The following USP33 variants were observed in gnomAD, a reference collection of about 807,000 sequenced individuals.
USP33 encodes ubiquitin carboxyl-terminal hydrolase 33.
A neutral mutation model predicts 124.2 loss-of-function variants in USP33; 46 were observed. That is an observed-to-expected ratio of 0.37 (90% CI 0.29 to 0.47). The LOEUF (loss-of-function observed/expected upper bound fraction) is 0.47, where lower values mean the gene tolerates loss of function less well. USP33 is among the 20% of genes least tolerant of loss of function. The pLI is 0.99. For synonymous variants in USP33, 350 were observed against 352.3 expected, an observed-to-expected ratio of 0.99 and a Z score of 0.07; for missense variants, 851 against 1,070.6, an observed-to-expected ratio of 0.79 and a Z score of 2.86.
rs58750531 is a variant in USP33, at chr1:77,702,141, C to CAAAAAAAAAAAAAAAAAAAAAAA, written c.2407-693_2407-671dup. Among the ~76,000 whole-genome samples the CAAAAAAAAAAAAAAAAAAAAAAA allele has an allele frequency of 1.9e-3, 30 of 15,780 alleles. 2 individuals carry two copies. Among genetic ancestry groups the CAAAAAAAAAAAAAAAAAAAAAAA allele is most frequent in the African/African-American group, 3.7e-3 (29 of 7,800 alleles). The allele number at this position is 15,780 out of a possible 152,430, so 10.4% of individuals were successfully genotyped here. A position where few individuals can be genotyped will look rare whatever the true frequency, so the allele number is the denominator to read the frequency against. On this transcript the variant is annotated intron_variant, in intron 21 of 23. Coordinates refer to ENST00000370794, the MANE Select transcript of USP33 (RefSeq NM_201624.3). The stretch of plus-strand genomic sequence containing the variant: ...TGGGTGACAGAACAAGACCCTGTCT[C>CAAAAAAAAAAAAAAAAAAAAAAA]AAAAAAAAAAAAAAAAAAAAAAAAA...
At chr1:77,702,401 C>G (rs1380735789) in intron 21 of USP33, among the ~76,000 whole-genome samples, 1 of 152,116 alleles carries the variant, frequency 6.6e-6, no homozygotes, top group East Asian at 1.9e-4. Context: ...ACTATATCCA[C>G]AGTCTATACT....
At chr1:77,738,147 ATCTT>A (rs1324442359) in intron 5 of USP33, among the ~76,000 whole-genome samples, 1 of 152,248 alleles carries the variant, frequency 6.6e-6, no homozygotes, top group Non-Finnish European at 1.5e-5. Flanking sequence ...AAATCTAGCC[ATCTT>A]TCATGTGTAA....
intron 7 of USP33, among the ~76,000 whole-genome samples, chr1:77,733,304 G>A (rs1678057602): frequency 6.6e-6 from 1 of 151,916 alleles, no homozygotes; most frequent in Admixed American, 6.6e-5. Context: ...TGAAGCAGGA[G>A]GATCACACAA....
chr1:77,752,740 T>C (rs1680448993), intron 1 of USP33, among the ~76,000 whole-genome samples: 1 of 152,174 alleles, frequency 6.6e-6, no homozygotes. Context: ...AACTTAAAAT[T>C]ATAAAAATAA....
Position 77,701,469 on chromosome 1 carries a change from A to G in USP33, c.2409T>C (p.Leu803=). ...RKTELEIFIR[L]NRAFQKEDSP... ...AGTCCTCTTTTTGGAACGCTCTGTT[A>G]AGCTACAAGGGGGAAAAAAAACAGT... The change falls in exon 22 of 24, where the codon CTT becomes CTC. Residue 803 remains leucine, a splice_region_variant and synonymous_variant. Transcript: ENST00000370794. The G allele has an allele frequency of 6.2e-7, 1 of 1,611,096 alleles. No homozygotes were observed.
In USP33 at chr1:77,697,185, A is replaced by G; in HGVS notation, c.*132T>C. On this transcript the variant is annotated 3_prime_UTR_variant, in exon 24 of 24. Transcript: ENST00000370794. ...AATATATTCTTCCATAATGCCCACT[A>G]AGAAGAAATAAATGGGATAAATGAT... 1.2e-6 allele frequency: 1 copy of G among 846,496 alleles called. No homozygotes were observed. The highest frequency in any genetic ancestry group is 1.7e-5 in the African/African-American group (1 of 58,106). 52.4% of individuals were successfully genotyped at this position (846,496 alleles called of 1,614,324 possible). A position where few individuals can be genotyped will look rare whatever the true frequency, so the allele number is the denominator to read the frequency against.
chr1:77,724,458 C>T (rs1361039812), intron 11 of USP33, among the ~76,000 whole-genome samples: 1 of 152,044 alleles, frequency 6.6e-6, no homozygotes, highest in Non-Finnish European at 1.5e-5. Flanking sequence ...AACCCAAGGC[C>T]ATGAAGACTT....
chr1:77,721,721 C>A, intron 14 of USP33, 110 bp downstream of exon 14: 1 of 936,226 alleles, frequency 1.1e-6, no homozygotes, highest in South Asian at 1.6e-5. Flanking sequence ...TGTGAATGTA[C>A]TATTAAGCTG....
At chr1:77,727,305 G>A (rs1383854454) in intron 10 of USP33, among the ~76,000 whole-genome samples, 1 of 152,146 alleles carries the variant, frequency 6.6e-6, no homozygotes, top group South Asian at 2.1e-4. Flanking sequence ...CTATGTGTAA[G>A]AACAAACCTG....
chr1:77,725,876 T>A lies in USP33; in HGVS notation c.1136-114A>T, dbSNP rs549402207. 8 of 1,016,386 alleles carry A rather than the reference T, an allele frequency of 7.9e-6. No homozygotes were observed. In the South Asian group the frequency reaches 1.5e-4, roughly 19 times the overall value. 63.0% of individuals were successfully genotyped at this position (1,016,386 alleles called of 1,614,324 possible). A position where few individuals can be genotyped will look rare whatever the true frequency, so the allele number is the denominator to read the frequency against. Reference sequence around the variant, plus strand: ...TTGAACACAATCATATTAACAAATGTCAAGTTAAATACTTAACAAAGTGCT... The same window carrying A: ...TTGAACACAATCATATTAACAAATGACAAGTTAAATACTTAACAAAGTGCT... On this transcript the variant is annotated intron_variant, in intron 10 of 23. Coordinates refer to ENST00000370794, the MANE Select transcript of USP33 (RefSeq NM_201624.3).
chr1:77,703,725 C>T (rs1674297066), intron 21 of USP33, among the ~76,000 whole-genome samples: 7 of 152,094 alleles, frequency 4.6e-5, no homozygotes, highest in Admixed American at 4.6e-4. Context: ...TCCATTGTAC[C>T]CATCACCTTT....
chr1:77,728,325 C>T lies in USP33; in HGVS notation c.1105G>A (p.Val369Ile), dbSNP rs1336355538. 2 of 1,601,794 alleles carry T rather than the reference C, an allele frequency of 1.2e-6. No homozygotes were observed. Among genetic ancestry groups the T allele is most frequent in the Non-Finnish European group, 1.7e-6 (2 of 1,175,950 alleles). Reference sequence around the variant, plus strand: ...GCTCTGCTGTGTATTTGCACTTTGACAGTTTCCTGGTTGTTTAAGTCGACT... The same window carrying T: ...GCTCTGCTGTGTATTTGCACTTTGATAGTTTCCTGGTTGTTTAAGTCGACT... Reference protein sequence around the residue: ...ETVDLNNQETVKVQIHSRASE... With the variant: ...ETVDLNNQETIKVQIHSRASE... Residue 369 changes from valine to isoleucine, a missense_variant, in exon 10 of 24, where the codon GTC becomes ATC. Val to Ile is a conservative substitution (Grantham distance 29). Transcript: ENST00000370794.
At chr1:77,742,971 T>C (rs1202556917) in intron 1 of USP33, among the ~76,000 whole-genome samples, 1 of 151,848 alleles carries the variant, frequency 6.6e-6, no homozygotes, top group African/African-American at 2.4e-5. Context: ...AGACAGAGTT[T>C]CACTCTTGCT....
At position 77,743,906 on chromosome 1, in the gene USP33, G is replaced by A. The variant is rs759102926; in HGVS notation, c.-51-2158C>T. Among the ~76,000 whole-genome samples the A allele has an allele frequency of 3.9e-5, 6 of 152,090 alleles. No individual in the cohort carries two copies. The South Asian group carries it at 8.3e-4, about 21-fold the overall frequency. Reference sequence around the variant, plus strand: ...AACACTTTGGGAGGCCAAGGTGGACGGATCACGAGGTCAGGAGATCGAGAA... The same window carrying A: ...AACACTTTGGGAGGCCAAGGTGGACAGATCACGAGGTCAGGAGATCGAGAA... On this transcript the variant is annotated intron_variant, in intron 1 of 23. Coordinates refer to ENST00000370794, the MANE Select transcript of USP33 (RefSeq NM_201624.3).
intron 17 of USP33, among the ~76,000 whole-genome samples, chr1:77,716,110 G>A (rs967340206): frequency 1.1e-4 from 17 of 152,032 alleles, no homozygotes; most frequent in East Asian, 3.9e-4. Context: ...CCAAGCTGGC[G>A]TTCAGTGAAG....
intron 21 of USP33, among the ~76,000 whole-genome samples, chr1:77,708,117 G>A (rs1263106571): frequency 1.3e-5 from 2 of 152,196 alleles, no homozygotes; most frequent in Non-Finnish European, 2.9e-5. Flanking sequence ...GGTTGTGTAA[G>A]TGCATATGGG....
chr1:77,716,477 C>T (rs1675914475), intron 17 of USP33, among the ~76,000 whole-genome samples: 1 of 152,186 alleles, frequency 6.6e-6, no homozygotes, highest in South Asian at 2.1e-4. Flanking sequence ...AAGAACAGTG[C>T]TGTAAACAGT....
intron 7 of USP33, among the ~76,000 whole-genome samples, chr1:77,732,003 C>G (rs1677874211): frequency 6.6e-6 from 1 of 151,552 alleles, no homozygotes. Context: ...ACTTGGCAGG[C>G]TGAGGCAGGA....
chr1:77,758,825 T>C (rs1681048877), intron 1 of USP33, among the ~76,000 whole-genome samples: 1 of 152,182 alleles, frequency 6.6e-6, no homozygotes, highest in Non-Finnish European at 1.5e-5. Flanking sequence ...CTAGAGATCG[T>C]TACGGTAAAA....
Sources: allele counts gnomAD v4.1 joint callset (sites outside exome capture counted in the v4.1 genomes callset), GRCh38; gene constraint gnomAD v4.1.1; transcripts MANE v1.5; gene names NCBI Gene and HGNC (gene_info 2026-07-23, HGNC 2026-07-21).